The following AASS variants were observed in gnomAD, a reference collection of about 807,000 sequenced individuals.
AASS encodes alpha-aminoadipic semialdehyde synthase, mitochondrial.
A neutral mutation model predicts 105.4 loss-of-function variants in AASS; 86 were observed. The ratio of observed to expected loss-of-function variants is 0.82; its 90% CI spans 0.69 to 0.98. AASS has a LOEUF of 0.98. Among genes scored for constraint, AASS ranks in the 50% least tolerant of loss-of-function variants. The pLI, the probability that AASS is intolerant of heterozygous loss-of-function variation, is 0.00. For synonymous variants in AASS, 381 were observed against 394.8 expected (o/e 0.96, Z 0.41); for missense variants, 1,048 against 1,143.2 (o/e 0.92, Z 1.20).
intron 11 of AASS, among the ~76,000 whole-genome samples, chr7:122,106,279 T>C (rs1794659593): frequency 6.6e-6 from 1 of 152,100 alleles, no homozygotes; most frequent in Non-Finnish European, 1.5e-5. Flanking sequence ...GAGGGCATCC[T>C]TGTTGCCAGT....
chr7:122,089,366 A>T (rs1180893358), intron 18 of AASS, among the ~76,000 whole-genome samples: 1 of 152,180 alleles, frequency 6.6e-6, no homozygotes, highest in Non-Finnish European at 1.5e-5. Flanking sequence ...CACAAGAGGA[A>T]ACGCAGGTGG....
chr7:122,078,316 TA>T (rs976411643), intron 22 of AASS, among the ~76,000 whole-genome samples: 62 of 146,202 alleles, frequency 4.2e-4, no homozygotes, highest in Admixed American at 6.8e-4. Flanking sequence ...CCTAATGCAT[TA>T]AAAAAAAAAA....
intron 2 of AASS, among the ~76,000 whole-genome samples, chr7:122,131,033 CAA>C (rs200717404): frequency 2.5e-4 from 22 of 88,396 alleles, no homozygotes; most frequent in Admixed American, 3.5e-4. Context: ...TTTATTTTTG[CAA>C]AAAAAAAAAA....
At position 122,133,562 on chromosome 7, in the gene AASS, G is replaced by C; in HGVS notation, c.165C>G (p.Tyr55Ter). 1 of 1,614,184 alleles carries C rather than the reference G, an allele frequency of 6.2e-7. No homozygotes were observed. The highest frequency in any genetic ancestry group is 8.5e-7 in the Non-Finnish European group (1 of 1,180,030). ...KHIKGITNLG[Y>*]KVLIQPSNRR... ...GATTCGAAGGCTGTATCAAGACCTT[G>C]TATCCCAGATTGGTGATGCCTTTGA... The change falls in exon 2 of 24, where the codon TAC becomes TAG. Residue 55 changes from tyrosine to a stop codon, truncating the protein, a stop_gained. Transcript: ENST00000417368. LOFTEE classifies it high-confidence loss of function.
intron 18 of AASS, among the ~76,000 whole-genome samples, chr7:122,086,503 C>T (rs1200085007): frequency 4.0e-5 from 6 of 149,644 alleles, no homozygotes; most frequent in Non-Finnish European, 8.9e-5. Context: ...AAAATATAAA[C>T]ATTTAGAAAA....
intron 11 of AASS, 97 bp from the exon 12 acceptor site, chr7:122,101,777 ATAATT>A: frequency 1.1e-6 from 1 of 947,564 alleles, no homozygotes; most frequent in South Asian, 1.4e-5. Context: ...AGGGAAAAAA[ATAATT>A]TAAGAAACAG....
At chr7:122,123,056 C>G (rs960176351) in intron 4 of AASS, among the ~76,000 whole-genome samples, 1 of 152,164 alleles carries the variant, frequency 6.6e-6, no homozygotes, top group Non-Finnish European at 1.5e-5. Flanking sequence ...TCCACTCTGG[C>G]TGATGGGACA....
intron 11 of AASS, among the ~76,000 whole-genome samples, chr7:122,108,115 C>A (rs932489193): frequency 6.6e-6 from 1 of 151,730 alleles, no homozygotes; most frequent in Admixed American, 6.6e-5. Flanking sequence ...CAAGATTGAA[C>A]CAGAAAAAAA....
At chr7:122,111,437 G>C (rs1292346095) in intron 11 of AASS, among the ~76,000 whole-genome samples, 1 of 152,120 alleles carries the variant, frequency 6.6e-6, no homozygotes, top group Non-Finnish European at 1.5e-5. Flanking sequence ...TGTAAGAAGT[G>C]ATAAATTAAG....
intron 2 of AASS, among the ~76,000 whole-genome samples, chr7:122,132,735 A>G (rs1032201445): frequency 6.6e-6 from 1 of 152,170 alleles, no homozygotes; most frequent in African/African-American, 2.4e-5. Flanking sequence ...TTCACGAGAA[A>G]ACAACCAGAT....
At chr7:122,113,311 A>T in intron 10 of AASS, 82 bp from the exon 11 acceptor site, 1 of 1,215,866 alleles carries the variant, frequency 8.2e-7, no homozygotes, top group Non-Finnish European at 1.2e-6. Flanking sequence ...ACTCCACTAT[A>T]TTTGCTTCAT....
At chr7:122,114,976 G>C (rs1372022995) in intron 9 of AASS, 98 bp downstream of exon 9, 2 of 1,512,730 alleles carry the variant, frequency 1.3e-6, no homozygotes, top group Non-Finnish European at 1.8e-6. Flanking sequence ...CAGAGAAGTA[G>C]TCATTAGAAA....
At chr7:122,143,522 C>T (rs566712220) in intron 1 of AASS, among the ~76,000 whole-genome samples, 1 of 151,618 alleles carries the variant, frequency 6.6e-6, no homozygotes, top group African/African-American at 2.4e-5. Flanking sequence ...CCCGCAGGGG[C>T]TGAAGAGTTC....
At chr7:122,077,723 G>T in intron 23 of AASS, 115 bp downstream of exon 23, 4 of 1,340,258 alleles carry the variant, frequency 3.0e-6, no homozygotes, top group African/African-American at 1.4e-5. Context: ...TTCTAAGATG[G>T]TTCACTTTTA....
rs146403906 is a variant in AASS at position 122,093,752 on chromosome 7, G to A, written c.1656-594C>T. ...TTGAACTCAGGAGGTCAAGGCTGCA[G>A]TGAGTTGAGATCACAGCACTGCACA... is the stretch of plus-strand genomic sequence containing the variant. On this transcript the variant is annotated intron_variant, in intron 15 of 23. Coordinates refer to ENST00000417368, the MANE Select transcript of AASS (RefSeq NM_005763.4). 7.8e-3 allele frequency among the ~76,000 whole-genome samples: 1,182 copies of A among 152,240 alleles called. 9 individuals are homozygous for A. The highest frequency in any genetic ancestry group is 0.012 in the Non-Finnish European group (786 of 67,992).
At chr7:122,123,077 A>G (rs1157856015) in intron 4 of AASS, among the ~76,000 whole-genome samples, 4 of 152,188 alleles carry the variant, frequency 2.6e-5, no homozygotes, top group Admixed American at 2.6e-4. Flanking sequence ...AACTCTGAGA[A>G]CAGTTTTCCA....
intron 1 of AASS, among the ~76,000 whole-genome samples, chr7:122,137,902 G>A (rs1355623912): frequency 6.6e-6 from 1 of 152,090 alleles, no homozygotes; most frequent in Non-Finnish European, 1.5e-5. Context: ...CGACAATGTC[G>A]GGTGCTGATA....
intron 13 of AASS, among the ~76,000 whole-genome samples, chr7:122,100,747 AC>A (rs1794386632): frequency 6.6e-6 from 1 of 151,848 alleles, no homozygotes; most frequent in South Asian, 2.1e-4. Flanking sequence ...ATGTTTTCAA[AC>A]TTTAAGTAGT....
In AASS at chr7:122,101,593, A is replaced by G. The variant is rs752916133; in HGVS notation, c.1338+28T>C. Reference sequence around the variant, plus strand: ...AAAATGGTAGTAAAAAAATACATTTATGAAAAAATATTCTGCTCATAACTT... The same window carrying G: ...AAAATGGTAGTAAAAAAATACATTTGTGAAAAAATATTCTGCTCATAACTT... On this transcript the variant is annotated intron_variant, in intron 12 of 23. Coordinates refer to ENST00000417368, the MANE Select transcript of AASS (RefSeq NM_005763.4). The G allele has an allele frequency of 4.4e-6, 7 of 1,590,512 alleles. No homozygotes were observed. The South Asian group carries it at 7.7e-5, about 18-fold the overall frequency.
Sources: gnomAD v4.1 joint callset for allele counts (sites outside exome capture counted in the v4.1 genomes callset) on GRCh38, gnomAD v4.1.1 for gene constraint, MANE v1.5 for transcripts, NCBI Gene and HGNC (gene_info 2026-07-23, HGNC 2026-07-21) for gene names.